RELL1: variants seen among roughly 807,000 people sequenced by gnomAD.
RELL1 encodes the protein RELT-like protein 1.
Under a neutral mutation model 23.0 loss-of-function variants are expected in RELL1, and 10 were observed. The observed-to-expected ratio is 0.43, with a 90% CI of 0.27 to 0.74. The LOEUF (loss-of-function observed/expected upper bound fraction) is 0.74. RELL1 is among the 30% of genes least tolerant of loss of function. RELL1 has a pLI of 0.19. For missense variants in RELL1, 315 were observed against 364.4 expected (o/e 0.86, Z 1.10); for synonymous variants, 146 against 146.8 (o/e 0.99, Z 0.04).
intron 1 of RELL1, among the ~76,000 whole-genome samples, chr4:37,671,213 A>G (rs1244116318): frequency 6.6e-6 from 1 of 152,194 alleles, no homozygotes; most frequent in African/African-American, 2.4e-5. Flanking sequence ...GGGGCTTTCC[A>G]TGACCCCCCT....
At chr4:37,644,724 T>A (rs893679377) in intron 3 of RELL1, among the ~76,000 whole-genome samples, 1 of 152,048 alleles carries the variant, frequency 6.6e-6, no homozygotes, top group Non-Finnish European at 1.5e-5. Context: ...CCTCCCAAAG[T>A]GCTGGGATTA....
intron 1 of RELL1, among the ~76,000 whole-genome samples, chr4:37,658,999 T>C (rs1033462775): frequency 6.6e-6 from 1 of 152,220 alleles, no homozygotes; most frequent in African/African-American, 2.4e-5. Context: ...GCTCGCCTTA[T>C]GCAGGTCATA....
intron 1 of RELL1, among the ~76,000 whole-genome samples, chr4:37,667,220 A>C (rs1721564547): frequency 6.6e-6 from 1 of 152,134 alleles, no homozygotes; most frequent in Admixed American, 6.6e-5. Context: ...TGAGACACAC[A>C]GAAAAAAATA....
At chr4:37,627,045 ATAAG>A (rs1002570377) in intron 6 of RELL1, among the ~76,000 whole-genome samples, 3 of 152,256 alleles carry the variant, frequency 2.0e-5, no homozygotes, top group African/African-American at 7.2e-5. Flanking sequence ...CAAAAAAATT[ATAAG>A]TATGTGTGGC....
chr4:37,664,783 G>A (rs1721473099), intron 1 of RELL1, among the ~76,000 whole-genome samples: 1 of 151,852 alleles, frequency 6.6e-6, no homozygotes, highest in Admixed American at 6.6e-5. Flanking sequence ...ATAAATCAGT[G>A]GCCTACATGA....
Position 37,638,495 on chromosome 4 carries a change from T to C in RELL1, c.395A>G (p.Asp132Gly). ...HYIMKNEANA[D>G]VLKAMVADNS... ...ATCTGCTACCATCGCCTTTAAGACA[T>C]CAGCATTCGCTAAGGAATAAAAATA... Residue 132 changes from aspartate to glycine, a missense_variant, in exon 4 of 7, where the codon GAT (aspartate) becomes GGT (glycine). Coordinates refer to ENST00000454158, the MANE Select transcript of RELL1 (RefSeq NM_001085400.2). The C allele has an allele frequency of 6.2e-7, 1 of 1,611,280 alleles. No homozygotes were observed. The highest frequency in any genetic ancestry group is 8.5e-7 in the Non-Finnish European group (1 of 1,177,914).
At chr4:37,660,542 C>T (rs550035008) in intron 1 of RELL1, among the ~76,000 whole-genome samples, 1 of 152,176 alleles carries the variant, frequency 6.6e-6, no homozygotes, top group Non-Finnish European at 1.5e-5. Context: ...TGGCTATTTA[C>T]ACACACTCTC....
At chr4:37,587,248 A>G (rs567799887), downstream of RELL1, among the ~76,000 whole-genome samples, 1 of 152,260 alleles carries the variant, frequency 6.6e-6, no homozygotes, top group South Asian at 2.1e-4. Flanking sequence ...CACCCAGATA[A>G]ACTAGGCAAA....
intron 1 of RELL1, among the ~76,000 whole-genome samples, chr4:37,663,564 G>A (rs1721425907): frequency 6.6e-6 from 1 of 152,122 alleles, no homozygotes; most frequent in Non-Finnish European, 1.5e-5. Flanking sequence ...GCAGTGTTCT[G>A]GATGCTTCCT....
chr4:37,606,211 G>A (rs1171405546), downstream of RELL1, among the ~76,000 whole-genome samples: 11 of 141,216 alleles, frequency 7.8e-5, no homozygotes, highest in African/African-American at 1.0e-4. This position sits in a 1 kb window ranked among gnomAD's most constrained non-coding sequence, Gnocchi z 4.1. Flanking sequence ...AAAGAAAGAA[G>A]GAAAGAAAGA....
intron 1 of RELL1, among the ~76,000 whole-genome samples, chr4:37,654,591 CT>C (rs1478049999): frequency 2.6e-5 from 4 of 152,224 alleles, no homozygotes; most frequent in African/African-American, 7.2e-5. Flanking sequence ...TCCTTCACCC[CT>C]AGCTGAATCA....
rs572085217 is a variant in RELL1 at position 37,612,093 on chromosome 4, C to T, written c.*1253G>A. The stretch of plus-strand genomic sequence containing the variant: ...TCAGGAGGCTGAGGCAGGAGAATGG[C>T]GTGAACTCAGAAGGTGGAGCTTGCA... On this transcript the variant is annotated 3_prime_UTR_variant, in exon 7 of 7. Transcript: ENST00000454158. 8.5e-5 allele frequency among the ~76,000 whole-genome samples: 12 copies of T among 140,688 alleles called. No individual in the cohort carries two copies. In the East Asian group the frequency reaches 1.3e-3, roughly 15 times the overall value. The allele number at this position is 140,688 out of a possible 152,430, so 92.3% of individuals were successfully genotyped here. A position where few individuals can be genotyped will look rare whatever the true frequency, so the allele number is the denominator to read the frequency against.
Position 37,635,010 on chromosome 4 carries a change from A to G in RELL1, c.557T>C (p.Val186Ala). ...CCGATGACACACATCCCTCTCGACA[A>G]CACCGCCCACCGTATGCAGATGATG... The part of the protein sequence containing the change: ...CGHHLHTVGG[V>A]VERDVCHRCR... The change falls in exon 5 of 7, where the codon GTT becomes GCT. Residue 186 changes from valine (V) to alanine (A), a missense_variant. Transcript: ENST00000454158. 10 of 1,614,136 alleles carry G rather than the reference A, an allele frequency of 6.2e-6. No homozygotes were observed. Among genetic ancestry groups the G allele is most frequent in the Non-Finnish European group, 8.5e-6 (10 of 1,180,018 alleles).
chr4:37,653,409 TATTGAAACCTCAATATTCAATAC>T (rs1721018921), intron 1 of RELL1, among the ~76,000 whole-genome samples: 2 of 150,866 alleles, frequency 1.3e-5, no homozygotes. Flanking sequence ...TCAATACAAG[TATTGAAACCTCAATATTCAATAC>T]AAGTATTGAA....
exon 7 of RELL1, chr4:37,590,833 C>A (rs146200909): frequency 3.7e-6 from 6 of 1,614,172 alleles, no homozygotes; most frequent in East Asian, 4.5e-5. Flanking sequence ...TGAGAAGGGT[C>A]CTGTTCATGC....
At chr4:37,669,481 A>C (rs1057339997) in intron 1 of RELL1, among the ~76,000 whole-genome samples, 2 of 149,504 alleles carry the variant, frequency 1.3e-5, no homozygotes, top group African/African-American at 4.9e-5. Flanking sequence ...GGCCACCCCT[A>C]CTGGGAAGTG....
intron 1 of RELL1, among the ~76,000 whole-genome samples, chr4:37,682,509 C>G (rs1722258416): frequency 6.6e-6 from 1 of 152,200 alleles, no homozygotes; most frequent in Non-Finnish European, 1.5e-5. Flanking sequence ...GTTGTTTGTT[C>G]ACTTGGGGCT....
chr4:37,668,272 G>A (rs976349081), intron 1 of RELL1, among the ~76,000 whole-genome samples: 1 of 137,108 alleles, frequency 7.3e-6, no homozygotes, highest in Non-Finnish European at 1.5e-5. Flanking sequence ...CCGAGCCGAA[G>A]CTGGACTGTA....
chr4:37,616,640 C>T (rs1577566326), intron 6 of RELL1, among the ~76,000 whole-genome samples: 1 of 152,210 alleles, frequency 6.6e-6, no homozygotes, highest in African/African-American at 2.4e-5. Context: ...TATGGAACCA[C>T]ACAGTCGGAT....
Sources: gnomAD v4.1 joint callset for allele counts (sites outside exome capture counted in the v4.1 genomes callset) on GRCh38, gnomAD v4.1.1 for gene constraint, Gnocchi (gnomAD v3.1) non-coding constraint, MANE v1.5 for transcripts, NCBI Gene and HGNC (gene_info 2026-07-23, HGNC 2026-07-21) for gene names.